The following MTMR7 variants were observed in gnomAD, a reference collection of about 807,000 sequenced individuals.
MTMR7 encodes phosphatidylinositol-3-phosphate phosphatase MTMR7.
A neutral mutation model predicts 81.2 loss-of-function variants in MTMR7; 76 were observed. The ratio of observed to expected loss-of-function variants is 0.94; its 90% CI spans 0.78 to 1.13. The LOEUF is 1.13. Ranked by LOEUF, MTMR7 falls within the 50% of genes most tolerant of loss-of-function variation. MTMR7 has a pLI of 0.00. For synonymous variants in MTMR7, 372 were observed against 289.8 expected (o/e 1.28, Z -2.88); for missense variants, 1,044 against 820.0 (o/e 1.27, Z -3.34).
In MTMR7 at chr8:17,314,106, A is replaced by G. The variant is rs565816153; in HGVS notation, c.866-705T>C. 6.5e-4 allele frequency among the ~76,000 whole-genome samples: 99 copies of G among 152,270 alleles called. 1 individual carries two copies. Among genetic ancestry groups the G allele is most frequent in the African/African-American group, 2.3e-3 (97 of 41,554 alleles). ...ACCTCTATAATATTATAAACCACCA[A>G]CTTTCACCTCAGGAGCTTCTTTTAT... is the stretch of plus-strand genomic sequence containing the variant. On this transcript the variant is annotated intron_variant, in intron 7 of 13. Coordinates refer to ENST00000180173, the MANE Select transcript of MTMR7 (RefSeq NM_004686.5).
intron 1 of MTMR7, among the ~76,000 whole-genome samples, chr8:17,377,369 A>C (rs1204724552): frequency 6.6e-6 from 1 of 152,024 alleles, no homozygotes; most frequent in Non-Finnish European, 1.5e-5. Context: ...TTTAATTCTT[A>C]TCTGTGGGTA....
At chr8:17,404,370 G>C (rs75918244) in intron 1 of MTMR7, among the ~76,000 whole-genome samples, 8,994 of 152,168 alleles carry the variant, frequency 0.059, 331 homozygotes, top group Non-Finnish European at 0.072. Context: ...TGTGAAGCGA[G>C]AGGGAATTAG....
At position 17,371,030 on chromosome 8, in the gene MTMR7, GC is replaced by G. The variant is rs1820403451; in HGVS notation, c.310+6del. On this transcript the variant is annotated splice_donor_region_variant and intron_variant, in intron 3 of 13. Coordinates refer to ENST00000180173, the MANE Select transcript of MTMR7 (RefSeq NM_004686.5). Reference sequence around the variant, plus strand: ...TCCATATTAAATGCCGAGTTCCTCTGCCCTACCTGGCCTTGCAAGGCGTATC... The same window carrying G: ...TCCATATTAAATGCCGAGTTCCTCTGCCTACCTGGCCTTGCAAGGCGTATC... 1.2e-6 allele frequency: 2 copies of G among 1,610,620 alleles called. No homozygotes were observed. The highest frequency in any genetic ancestry group is 1.3e-5 in the African/African-American group (1 of 74,900).
At chr8:17,307,975 C>T (rs887569635) in intron 10 of MTMR7, among the ~76,000 whole-genome samples, 4 of 151,782 alleles carry the variant, frequency 2.6e-5, no homozygotes, top group African/African-American at 9.7e-5. Flanking sequence ...CAACATGGCA[C>T]ATGTATATAT....
rs541527347 is a variant in MTMR7, at chr8:17,348,383, CAAAA to C, written c.597+566_597+569del. Among the ~76,000 whole-genome samples the C allele has an allele frequency of 3.5e-5, 5 of 141,716 alleles. No homozygotes were observed. In the East Asian group the frequency reaches 1.2e-3, roughly 34 times the overall value. 93.0% of individuals were successfully genotyped at this position (141,716 alleles called of 152,430 possible). A position where few individuals can be genotyped will look rare whatever the true frequency, so the allele number is the denominator to read the frequency against. ...TGAAACCCCTTCTTTACTAAAAATA[CAAAA>C]AAAAAACCCAAAATTAGCTGGGCAT... is the stretch of plus-strand genomic sequence containing the variant. On this transcript the variant is annotated intron_variant, in intron 5 of 13. Transcript: ENST00000180173.
intron 1 of MTMR7, among the ~76,000 whole-genome samples, chr8:17,387,998 A>AGT (rs1821001887): frequency 6.6e-6 from 1 of 152,252 alleles, no homozygotes; most frequent in Admixed American, 6.5e-5. Context: ...AAGCTAAAAT[A>AGT]GTGACACAGC....
In MTMR7 at chr8:17,393,912, CA is replaced by C. The variant is rs1406313431; in HGVS notation, c.24+19356del. Among the ~76,000 whole-genome samples, 5 of 152,104 alleles carry C rather than the reference CA, an allele frequency of 3.3e-5. No homozygotes were observed. The East Asian group carries it at 9.6e-4, about 29-fold the overall frequency. ...CAAAGAATCTTAACAGATATTTCTC[CA>C]AAGAAGACATATGAATAGCTAATAA... On this transcript the variant is annotated intron_variant, in intron 1 of 13. Coordinates refer to ENST00000180173, the MANE Select transcript of MTMR7 (RefSeq NM_004686.5).
At chr8:17,352,088 A>T (rs1239539782) in intron 4 of MTMR7, among the ~76,000 whole-genome samples, 1 of 152,196 alleles carries the variant, frequency 6.6e-6, no homozygotes, top group East Asian at 1.9e-4. Context: ...AAGTAGAAAA[A>T]TTCATCCTAA....
chr8:17,379,997 T>G (rs1242981107), intron 1 of MTMR7, among the ~76,000 whole-genome samples: 1 of 152,046 alleles, frequency 6.6e-6, no homozygotes, highest in Non-Finnish European at 1.5e-5. Context: ...AAGGAAGAGC[T>G]AGGTAATTAA....
intron 1 of MTMR7, among the ~76,000 whole-genome samples, chr8:17,382,912 C>T (rs551211416): frequency 2.6e-5 from 4 of 152,202 alleles, no homozygotes; most frequent in African/African-American, 9.6e-5. Context: ...GTAATTAGCA[C>T]AGTGATTAGG....
At chr8:17,313,897 T>C (rs563859147) in intron 7 of MTMR7, among the ~76,000 whole-genome samples, 1 of 152,170 alleles carries the variant, frequency 6.6e-6, no homozygotes, top group African/African-American at 2.4e-5. Context: ...ATGAAAATGA[T>C]CAAACTCCTC....
chr8:17,309,353 T>C (rs1817662598), intron 9 of MTMR7, 27 bp from the exon 10 acceptor site: 1 of 1,494,096 alleles, frequency 6.7e-7, no homozygotes. Flanking sequence ...ACAAATATCT[T>C]GGAGAGAAGC....
At chr8:17,323,267 T>C (rs1379921794) in intron 7 of MTMR7, among the ~76,000 whole-genome samples, 7 of 152,050 alleles carry the variant, frequency 4.6e-5, no homozygotes, top group Admixed American at 4.6e-4. Flanking sequence ...TCTTGATTTA[T>C]TAAGGAGTAA....
intron 1 of MTMR7, among the ~76,000 whole-genome samples, chr8:17,378,246 G>A (rs1820649984): frequency 6.6e-6 from 1 of 151,808 alleles, no homozygotes; most frequent in South Asian, 2.1e-4. Flanking sequence ...AAATAAGGAG[G>A]GGAACACCAA....
At chr8:17,312,801 A>G (rs1309388503) in intron 8 of MTMR7, among the ~76,000 whole-genome samples, 1 of 152,126 alleles carries the variant, frequency 6.6e-6, no homozygotes, top group Non-Finnish European at 1.5e-5. Flanking sequence ...CAAGGTATTT[A>G]TTTCTTTAAA....
In MTMR7 at chr8:17,402,490, C is replaced by A. The variant is rs368917976; in HGVS notation, c.24+10779G>T. Among the ~76,000 whole-genome samples the A allele has an allele frequency of 2.6e-3, 398 of 152,274 alleles. 1 individual carries two copies. The highest frequency in any genetic ancestry group is 4.5e-3 in the Non-Finnish European group (308 of 68,026). ...CAATTGTTTTAATTTTTAGCTCCCA[C>A]AAATAAGCGAGAATATGTGAAGTTT... On this transcript the variant is annotated intron_variant, in intron 1 of 13. Coordinates refer to ENST00000180173, the MANE Select transcript of MTMR7 (RefSeq NM_004686.5).
At chr8:17,375,467 C>T (rs1820555396) in intron 1 of MTMR7, among the ~76,000 whole-genome samples, 1 of 149,904 alleles carries the variant, frequency 6.7e-6, no homozygotes, top group African/African-American at 2.5e-5. Flanking sequence ...GTGCCCTTCA[C>T]CTACTAGCTT....
chr8:17,377,266 C>T (rs373610097), intron 1 of MTMR7, among the ~76,000 whole-genome samples: 3 of 151,924 alleles, frequency 2.0e-5, no homozygotes, highest in African/African-American at 7.2e-5. Context: ...GTTACAGATC[C>T]GTTCACTGTT....
chr8:17,304,283 C>G, intron 12 of MTMR7, 96 bp downstream of exon 12: 1 of 1,364,646 alleles, frequency 7.3e-7, no homozygotes, highest in Non-Finnish European at 9.9e-7. Flanking sequence ...ATAAAAGCCT[C>G]AAAGATCAGT....
Sources: gnomAD v4.1 joint callset for allele counts (sites outside exome capture counted in the v4.1 genomes callset) on GRCh38, gnomAD v4.1.1 for gene constraint, MANE v1.5 for transcripts, NCBI Gene and HGNC (gene_info 2026-07-23, HGNC 2026-07-21) for gene names.